Variants in CSMD3 observed in about 807,000 individuals in gnomAD.
CSMD3 encodes the protein CUB and Sushi multiple domains 3.
Under a neutral mutation model 435.2 loss-of-function variants are expected in CSMD3, and 177 were observed. That is an observed-to-expected ratio of 0.41 (90% CI 0.36 to 0.46). The LOEUF (loss-of-function observed/expected upper bound fraction) is 0.46, where lower values mean the gene tolerates loss of function less well. Among genes scored for constraint, CSMD3 ranks in the 20% least tolerant of loss-of-function variants. CSMD3 has a pLI of 0.34. For synonymous variants in CSMD3, 1,656 were observed against 1,520.5 expected, an observed-to-expected ratio of 1.09 and a Z score of -2.07; for missense variants, 4,265 against 4,504.6, an observed-to-expected ratio of 0.95 and a Z score of 1.52.
intron 23 of CSMD3, among the ~76,000 whole-genome samples, chr8:112,586,197 TCTC>T (rs1485692042): frequency 6.6e-6 from 1 of 151,396 alleles, no homozygotes; most frequent in Non-Finnish European, 1.5e-5. Context: ...AAAAAAGAAT[TCTC>T]CTGCTGCAGC....
At chr8:112,253,843 C>T (rs955395471) in intron 63 of CSMD3, among the ~76,000 whole-genome samples, 15 of 151,834 alleles carry the variant, frequency 9.9e-5, no homozygotes, top group African/African-American at 1.9e-4. Flanking sequence ...TTGAATAACC[C>T]GCATTTTTAT....
At chr8:112,725,803 A>T (rs1377301599) in intron 13 of CSMD3, among the ~76,000 whole-genome samples, 1 of 151,986 alleles carries the variant, frequency 6.6e-6, no homozygotes, top group Non-Finnish European at 1.5e-5. Context: ...TCCATAAAGT[A>T]TTTATTTCTT....
At chr8:112,976,921 G>A (rs992113522) in intron 6 of CSMD3, among the ~76,000 whole-genome samples, 1 of 151,886 alleles carries the variant, frequency 6.6e-6, no homozygotes, top group South Asian at 2.1e-4. Flanking sequence ...CAATTGGTTG[G>A]GAATTTCTAA....
intron 1 of CSMD3, among the ~76,000 whole-genome samples, chr8:113,410,542 TTC>T (rs1271932935): frequency 1.3e-5 from 2 of 152,126 alleles, no homozygotes; most frequent in Non-Finnish European, 2.9e-5. Flanking sequence ...CAATTGTTCT[TTC>T]TCTGTTTCTT....
At chr8:112,332,671 T>A (rs1824179509) in intron 45 of CSMD3, among the ~76,000 whole-genome samples, 1 of 152,140 alleles carries the variant, frequency 6.6e-6, no homozygotes, top group Middle Eastern at 3.2e-3. Context: ...TTGGGTAGAA[T>A]CTCCATAGCT....
intron 4 of CSMD3, among the ~76,000 whole-genome samples, chr8:113,127,352 T>C (rs2091163358): frequency 6.6e-6 from 1 of 152,034 alleles, no homozygotes; most frequent in Admixed American, 6.6e-5. Flanking sequence ...CACATTCACC[T>C]CCTTTTATTA....
intron 60 of CSMD3, 76 bp downstream of exon 60, chr8:112,265,335 C>G (rs2130406557): frequency 8.9e-7 from 1 of 1,122,320 alleles, no homozygotes. Flanking sequence ...TTTAAGTATA[C>G]TTTAAATTTG....
intron 5 of CSMD3, among the ~76,000 whole-genome samples, chr8:113,064,319 C>T (rs1357715373): frequency 6.6e-6 from 1 of 151,750 alleles, no homozygotes. Context: ...TAGTAAGTAC[C>T]CATTTGGCCC....
chr8:112,834,857 T>G (rs2079976046), intron 11 of CSMD3, among the ~76,000 whole-genome samples: 1 of 151,888 alleles, frequency 6.6e-6, no homozygotes, highest in South Asian at 2.1e-4. Flanking sequence ...TACTTCTTCC[T>G]AATCATTTGT....
At chr8:113,320,699 T>C (rs144093689) in intron 1 of CSMD3, among the ~76,000 whole-genome samples, 1 of 152,252 alleles carries the variant, frequency 6.6e-6, no homozygotes, top group East Asian at 1.9e-4. Flanking sequence ...TGGAAATCTT[T>C]TCTTATTGTT....
intron 12 of CSMD3, among the ~76,000 whole-genome samples, chr8:112,819,316 G>A (rs575950903): frequency 6.6e-6 from 1 of 152,304 alleles, no homozygotes; most frequent in South Asian, 2.1e-4. Context: ...TGGAGTTGAA[G>A]TTGAGAGGAG....
intron 24 of CSMD3, among the ~76,000 whole-genome samples, chr8:112,572,123 C>A (rs1008567177): frequency 8.6e-5 from 13 of 151,708 alleles, no homozygotes; most frequent in Non-Finnish European, 7.4e-5. Flanking sequence ...TACTCAATAT[C>A]ATTACTCAAT....
At chr8:112,385,074 G>T (rs1464052455) in intron 36 of CSMD3, among the ~76,000 whole-genome samples, 1 of 152,048 alleles carries the variant, frequency 6.6e-6, no homozygotes, top group Non-Finnish European at 1.5e-5. Flanking sequence ...CTACAGTGGG[G>T]GGTATTTACA....
intron 10 of CSMD3, among the ~76,000 whole-genome samples, chr8:112,862,996 G>T (rs1274206408): frequency 6.6e-6 from 1 of 151,930 alleles, no homozygotes; most frequent in African/African-American, 2.4e-5. Flanking sequence ...TTTAACAGAA[G>T]TATTTATTGT....
At chr8:112,273,281 T>TA (rs147072833) in intron 59 of CSMD3, among the ~76,000 whole-genome samples, 44,202 of 149,574 alleles carry the variant, frequency 0.3, 6,590 homozygotes, top group Middle Eastern at 0.44. Flanking sequence ...TTATTCATTG[T>TA]AAAAAAAAAA....
At chr8:112,749,513 T>C (rs543604030) in intron 13 of CSMD3, among the ~76,000 whole-genome samples, 1 of 152,102 alleles carries the variant, frequency 6.6e-6, no homozygotes, top group Non-Finnish European at 1.5e-5. Context: ...ACCCCTTGTT[T>C]ACACCATACA....
chr8:112,694,068 TCC>T, intron 13 of CSMD3, among the ~76,000 whole-genome samples: 2 of 151,694 alleles, frequency 1.3e-5, no homozygotes, highest in Non-Finnish European at 1.5e-5. Context: ...CTTCTTTTTT[TCC>T]ATAAATACAA....
intron 1 of CSMD3, among the ~76,000 whole-genome samples, chr8:113,393,251 C>T (rs563089772): frequency 6.6e-6 from 1 of 151,776 alleles, no homozygotes; most frequent in African/African-American, 2.4e-5. Flanking sequence ...TTTTGGCAAC[C>T]AACATTTTGA....
intron 6 of CSMD3, among the ~76,000 whole-genome samples, chr8:113,007,724 T>C (rs1359794114): frequency 1.3e-5 from 2 of 151,916 alleles, no homozygotes; most frequent in East Asian, 3.9e-4. Context: ...CAAGCTGAAA[T>C]GATTTATTTG....
Sources: allele counts gnomAD v4.1 joint callset (sites outside exome capture counted in the v4.1 genomes callset), GRCh38; gene constraint gnomAD v4.1.1; transcripts MANE v1.5; gene names NCBI Gene and HGNC (gene_info 2026-07-23, HGNC 2026-07-21).